PTPRM: variants seen among roughly 807,000 people sequenced by gnomAD.
PTPRM encodes receptor-type tyrosine-protein phosphatase mu.
Under a neutral mutation model 186.7 loss-of-function variants are expected in PTPRM, and 47 were observed. The ratio of observed to expected loss-of-function variants is 0.25; its 90% CI spans 0.20 to 0.32. PTPRM has a LOEUF of 0.32. PTPRM is among the 10% of genes least tolerant of loss of function. The probability of loss-of-function intolerance (pLI) is 1.00; values close to 1 mark genes in which losing one functional copy is unlikely to be tolerated. For synonymous variants in PTPRM, 668 were observed against 674.9 expected, an observed-to-expected ratio of 0.99 and a Z score of 0.16; for missense variants, 1,494 against 1,865.0, an observed-to-expected ratio of 0.80 and a Z score of 3.66.
chr18:8,235,047 G>A (rs72911252), intron 14 of PTPRM, among the ~76,000 whole-genome samples: 2,157 of 152,140 alleles, frequency 0.014, 39 homozygotes, highest in East Asian at 0.089. Flanking sequence ...GCAGTTTTCT[G>A]TTTCTGTAAT....
At chr18:8,289,119 T>C (rs2094992525) in intron 19 of PTPRM, among the ~76,000 whole-genome samples, 2 of 152,100 alleles carry the variant, frequency 1.3e-5, no homozygotes, top group African/African-American at 2.4e-5. Context: ...GGGTCCCAGC[T>C]CTTCTGTTTA....
intron 1 of PTPRM, among the ~76,000 whole-genome samples, chr18:7,614,876 C>T (rs539857298): frequency 1.4e-4 from 21 of 152,148 alleles, no homozygotes; most frequent in Non-Finnish European, 2.9e-4. Flanking sequence ...ATTCTAATAA[C>T]GGTTTTACAA....
chr18:7,801,095 G>GC (rs2145352079), intron 2 of PTPRM, among the ~76,000 whole-genome samples: 1 of 152,096 alleles, frequency 6.6e-6, no homozygotes, highest in Admixed American at 6.5e-5. Flanking sequence ...GTGCACTTAG[G>GC]CTGCATTAAA....
intron 7 of PTPRM, among the ~76,000 whole-genome samples, chr18:8,009,220 GA>G (rs2084371039): frequency 6.6e-6 from 1 of 152,160 alleles, no homozygotes; most frequent in East Asian, 1.9e-4. Context: ...CCTGGTTTGT[GA>G]GGTGCTCAGT....
At chr18:7,989,256 G>A (rs1041596354) in intron 7 of PTPRM, among the ~76,000 whole-genome samples, 1 of 151,650 alleles carries the variant, frequency 6.6e-6, no homozygotes, top group African/African-American at 2.4e-5. Context: ...ATGACTTCTA[G>A]TAACTGGCAT....
chr18:7,838,124 C>T (rs1008111727), intron 2 of PTPRM, among the ~76,000 whole-genome samples: 8 of 152,134 alleles, frequency 5.3e-5, no homozygotes, highest in Non-Finnish European at 8.8e-5. Context: ...CATTGACTCA[C>T]AGGTACACAT....
chr18:8,095,008 C>G (rs2090943604), intron 11 of PTPRM, among the ~76,000 whole-genome samples: 1 of 152,156 alleles, frequency 6.6e-6, no homozygotes, highest in Non-Finnish European at 1.5e-5. Context: ...AAGGATAATA[C>G]CCCTTATATC....
At chr18:7,992,133 A>AGAGG (rs1216399270) in intron 7 of PTPRM, among the ~76,000 whole-genome samples, 1 of 152,086 alleles carries the variant, frequency 6.6e-6, no homozygotes, top group Non-Finnish European at 1.5e-5. Context: ...TAGGAGAGGG[A>AGAGG]GTTATTATAA....
intron 5 of PTPRM, among the ~76,000 whole-genome samples, chr18:7,947,506 G>A (rs932265191): frequency 2.0e-5 from 3 of 152,176 alleles, no homozygotes; most frequent in Non-Finnish European, 2.9e-5. Context: ...TTGTAGGCTA[G>A]CATTTTCATA....
chr18:8,214,618 G>T (rs147857743), intron 14 of PTPRM, among the ~76,000 whole-genome samples: 108 of 152,168 alleles, frequency 7.1e-4, no homozygotes, highest in African/African-American at 2.5e-3. Context: ...GTTTTCAATA[G>T]TTGGTTTGTA....
At chr18:8,083,203 A>G (rs1300314976) in intron 9 of PTPRM, among the ~76,000 whole-genome samples, 3 of 152,080 alleles carry the variant, frequency 2.0e-5, no homozygotes, top group Admixed American at 1.3e-4. Context: ...AACTCTTTAT[A>G]AGGGAAATTA....
At chr18:8,307,492 G>A (rs1258859416) in intron 20 of PTPRM, among the ~76,000 whole-genome samples, 1 of 152,146 alleles carries the variant, frequency 6.6e-6, no homozygotes, top group Non-Finnish European at 1.5e-5. Flanking sequence ...CATAATGTAT[G>A]ACTGTTATCC....
intron 1 of PTPRM, among the ~76,000 whole-genome samples, chr18:7,689,454 G>A (rs1325970071): frequency 2.0e-5 from 3 of 152,150 alleles, no homozygotes; most frequent in Non-Finnish European, 4.4e-5. Context: ...TCCTCACCAA[G>A]GAAAGATGTT....
chr18:7,707,385 C>T (rs76209672), intron 1 of PTPRM, among the ~76,000 whole-genome samples: 12,925 of 152,028 alleles, frequency 0.085, 745 homozygotes, highest in South Asian at 0.2. Context: ...AATAACAGCA[C>T]TTTGGGAGGC....
chr18:7,687,807 C>G (rs1227758936), intron 1 of PTPRM, among the ~76,000 whole-genome samples: 1 of 147,388 alleles, frequency 6.8e-6, no homozygotes, highest in African/African-American at 2.5e-5. Context: ...AAGACGGAGT[C>G]TCACTGTGTC....
intron 7 of PTPRM, among the ~76,000 whole-genome samples, chr18:7,966,153 T>A (rs901906245): frequency 5.9e-5 from 9 of 152,200 alleles, no homozygotes; most frequent in Admixed American, 1.3e-4. Context: ...GTGAATAGAA[T>A]GCTTTAAAAA....
Position 8,380,089 on chromosome 18 carries a change from G to C in PTPRM, c.3787-207G>C, listed in dbSNP as rs145091887. 1.6e-4 allele frequency among the ~76,000 whole-genome samples: 25 copies of C among 152,232 alleles called. No homozygotes were observed. In the East Asian group the frequency reaches 4.8e-3, roughly 29 times the overall value. ...TAAGAGATACTAATTAAGTTTTCTT[G>C]GTATCAAAGTAAGACTTTTATCACT... On this transcript the variant is annotated intron_variant, in intron 28 of 32. Coordinates refer to ENST00000580170, the MANE Select transcript of PTPRM (RefSeq NM_001105244.2).
chr18:8,309,579 A>G (rs59053156), intron 20 of PTPRM, among the ~76,000 whole-genome samples: 3,880 of 152,282 alleles, frequency 0.025, 185 homozygotes, highest in African/African-American at 0.089. Flanking sequence ...TGGTGTAATC[A>G]TAGTTCACTG....
chr18:8,028,256 T>C (rs1390720729), intron 7 of PTPRM, among the ~76,000 whole-genome samples: 1 of 152,160 alleles, frequency 6.6e-6, no homozygotes, highest in Non-Finnish European at 1.5e-5. Flanking sequence ...CCCACCTTGG[T>C]CTCCCAAAGT....
Sources: allele counts gnomAD v4.1 joint callset (sites outside exome capture counted in the v4.1 genomes callset), GRCh38; gene constraint gnomAD v4.1.1; transcripts MANE v1.5; gene names NCBI Gene and HGNC (gene_info 2026-07-23, HGNC 2026-07-21).